Variants in SLC2A1 observed in about 807,000 individuals in gnomAD.
The protein encoded by SLC2A1 is solute carrier family 2, facilitated glucose transporter member 1.
Under a neutral mutation model 46.6 loss-of-function variants are expected in SLC2A1, and 4 were observed. The ratio of observed to expected loss-of-function variants is 0.09; its 90% CI spans 0.04 to 0.20. The LOEUF is 0.20. Among genes scored for constraint, SLC2A1 ranks in the 10% least tolerant of loss-of-function variants. The pLI is 1.00. For synonymous variants in SLC2A1, 253 were observed against 270.0 expected (o/e 0.94, Z 0.62); for missense variants, 352 against 667.0 (o/e 0.53, Z 5.20).
intron 2 of SLC2A1, among the ~76,000 whole-genome samples, chr1:42,931,732 G>A (rs574159761): frequency 6.6e-6 from 1 of 151,354 alleles, no homozygotes; most frequent in East Asian, 2.0e-4. Flanking sequence ...GGGAGGCTAA[G>A]GCAGAATTGC....
rs1643632538 is a variant in SLC2A1 at position 42,944,679 on chromosome 1, C to T, written c.19-1358G>A. Among the ~76,000 whole-genome samples, 4 of 152,182 alleles carry T rather than the reference C, an allele frequency of 2.6e-5. No individual in the cohort carries two copies. In the South Asian group the frequency reaches 6.2e-4, roughly 24 times the overall value. ...GCCAAGGCTCTCACATCAGAGGCTG[C>T]GAAAGAGGAAGAAGGCTTCGGCCCA... On this transcript the variant is annotated intron_variant, in intron 1 of 9. Coordinates refer to ENST00000426263, the MANE Select transcript of SLC2A1 (RefSeq NM_006516.4).
chr1:42,948,219 C>T (rs1051942036), intron 1 of SLC2A1, among the ~76,000 whole-genome samples: 3 of 152,230 alleles, frequency 2.0e-5, no homozygotes, highest in Admixed American at 6.5e-5. Flanking sequence ...TCCCCCAACG[C>T]TCGGATGCCA....
Position 42,929,979 on chromosome 1 carries a change from G to A in SLC2A1, c.573C>T (p.Ser191=). The change falls in exon 5 of 10, where the codon AGC becomes AGT. Residue 191 remains serine, a synonymous_variant. Transcript: ENST00000426263. The surrounding 1 kb of genome is among the most constrained non-coding windows in gnomAD (Gnocchi z 6.0). ...GCAGCAGGGCCGGGATGAAGATGAT[G>A]CTCAGCAGCAGGGGCCACAGGTCCT... The part of the protein sequence containing the change: ...GNKDLWPLLL[S]IIFIPALLQC... 2 of 1,614,200 alleles carry A rather than the reference G, an allele frequency of 1.2e-6. No individual in the cohort carries two copies. Among genetic ancestry groups the A allele is most frequent in the Non-Finnish European group, 1.7e-6 (2 of 1,180,028 alleles).
chr1:42,958,610 A>G, intron 1 of SLC2A1, 24 bp downstream of exon 1: 1 of 1,517,952 alleles, frequency 6.6e-7, no homozygotes, highest in African/African-American at 1.4e-5. Context: ...TCCTGGCGGG[A>G]GGGCCCGCGG....
intron 1 of SLC2A1, 142 bp from the exon 2 acceptor site, chr1:42,943,463 C>T: frequency 2.7e-6 from 2 of 739,694 alleles, no homozygotes; most frequent in South Asian, 1.5e-5. Flanking sequence ...GGAAACTTGG[C>T]CAATTCCTGA....
chr1:42,957,222 C>T (rs1252222946), intron 1 of SLC2A1, among the ~76,000 whole-genome samples: 3 of 152,244 alleles, frequency 2.0e-5, no homozygotes, highest in African/African-American at 7.2e-5. Context: ...TCTCACTGAA[C>T]TTTTGTTTAG....
At chr1:42,948,101 A>G (rs933301451) in intron 1 of SLC2A1, among the ~76,000 whole-genome samples, 3 of 152,066 alleles carry the variant, frequency 2.0e-5, no homozygotes, top group Non-Finnish European at 4.4e-5. Context: ...AGCATTTCTC[A>G]TGTCCCCACC....
chr1:42,936,194 G>A (rs531460140), intron 2 of SLC2A1, among the ~76,000 whole-genome samples: 45 of 152,236 alleles, frequency 3.0e-4, no homozygotes, highest in African/African-American at 8.7e-4. Flanking sequence ...GTTTAGGCTC[G>A]GTCTCAACTC....
Position 42,927,009 on chromosome 1 carries a change from G to A in SLC2A1, c.*32C>T. ...CTCCTGAGAGATCCTTAGGGCTGCTGGGAGCAGGCCGGGCTGGTGATCTGG... is the reference window on the plus strand; with the variant it reads ...CTCCTGAGAGATCCTTAGGGCTGCTAGGAGCAGGCCGGGCTGGTGATCTGG... On this transcript the variant is annotated 3_prime_UTR_variant, in exon 10 of 10. Coordinates refer to ENST00000426263, the MANE Select transcript of SLC2A1 (RefSeq NM_006516.4). This position sits in a 1 kb window ranked among gnomAD's most constrained non-coding sequence, Gnocchi z 5.3. 1 of 1,609,164 alleles carries A rather than the reference G, an allele frequency of 6.2e-7. No homozygotes were observed. Among genetic ancestry groups the A allele is most frequent in the African/African-American group, 1.3e-5 (1 of 74,906 alleles).
At chr1:42,957,192 T>C (rs974179133) in intron 1 of SLC2A1, among the ~76,000 whole-genome samples, 1 of 152,256 alleles carries the variant, frequency 6.6e-6, no homozygotes, top group Non-Finnish European at 1.5e-5. Flanking sequence ...TGGACTTCCT[T>C]GCCACTAGCT....
intron 1 of SLC2A1, among the ~76,000 whole-genome samples, chr1:42,950,276 G>A (rs1169872485): frequency 1.3e-5 from 2 of 152,210 alleles, no homozygotes; most frequent in Non-Finnish European, 2.9e-5. Context: ...GTGGCAGGCC[G>A]AGAACTACAT....
In SLC2A1 at chr1:42,929,396, G is replaced by A. The variant is rs559722814; in HGVS notation, c.868-82C>T. 1 of 1,227,584 alleles carries A rather than the reference G, an allele frequency of 8.1e-7. No individual in the cohort carries two copies. Among genetic ancestry groups the A allele is most frequent in the African/African-American group, 1.5e-5 (1 of 66,816 alleles). The allele number at this position is 1,227,584 out of a possible 1,614,324, so 76.0% of individuals were successfully genotyped here. On this transcript the variant is annotated intron_variant, in intron 6 of 9. Coordinates refer to ENST00000426263, the MANE Select transcript of SLC2A1 (RefSeq NM_006516.4). This position sits in a 1 kb window ranked among gnomAD's most constrained non-coding sequence, Gnocchi z 6.0. The stretch of plus-strand genomic sequence containing the variant: ...TCTGTAGCAGTGGATGTGGGACCCA[G>A]GATGAGTAAAGAATGAAGGGGACAA...
At chr1:42,957,018 C>T (rs1643783552) in intron 1 of SLC2A1, among the ~76,000 whole-genome samples, 2 of 152,206 alleles carry the variant, frequency 1.3e-5, no homozygotes, top group South Asian at 4.1e-4. Flanking sequence ...ACTTTTCTGT[C>T]TCCACGTAGT....
chr1:42,951,497 T>C (rs1417404797), intron 1 of SLC2A1: 1 of 200,710 alleles, frequency 5.0e-6, no homozygotes. Context: ...ACAGAATGGG[T>C]TGCAAAGAAC....
At position 42,927,843 on chromosome 1, in the gene SLC2A1, C is replaced by G. The variant is rs1411878574; in HGVS notation, c.1075-35G>C. The stretch of plus-strand genomic sequence containing the variant: ...ATGACGGAGAGGGGGAAAAGTTAGA[C>G]TGGGTTGTGATGGATCCTCAGGGGA... On this transcript the variant is annotated intron_variant, in intron 8 of 9. Transcript: ENST00000426263. This position sits in a 1 kb window ranked among gnomAD's most constrained non-coding sequence, Gnocchi z 5.3. The G allele has an allele frequency of 6.5e-7, 1 of 1,532,424 alleles. No individual in the cohort carries two copies. Among genetic ancestry groups the G allele is most frequent in the African/African-American group, 1.4e-5 (1 of 73,168 alleles). The allele number at this position is 1,532,424 out of a possible 1,614,324, so 94.9% of individuals were successfully genotyped here. A position where few individuals can be genotyped will look rare whatever the true frequency, so the allele number is the denominator to read the frequency against.
intron 2 of SLC2A1, among the ~76,000 whole-genome samples, chr1:42,931,973 C>T (rs1243042222): frequency 1.3e-5 from 2 of 152,188 alleles, no homozygotes; most frequent in Non-Finnish European, 2.9e-5. Flanking sequence ...GGAAGCAGGG[C>T]TTGACAGACA....
chr1:42,931,946 C>T (rs913584166), intron 2 of SLC2A1, among the ~76,000 whole-genome samples: 3 of 152,198 alleles, frequency 2.0e-5, no homozygotes, highest in Non-Finnish European at 4.4e-5. Flanking sequence ...GCCCTCCCCC[C>T]AACCCCTTGC....
chr1:42,929,601 T>C lies in SLC2A1; in HGVS notation c.859A>G (p.Ile287Val), dbSNP rs1431778557. The C allele has an allele frequency of 1.9e-6, 3 of 1,613,334 alleles. No homozygotes were observed. The highest frequency in any genetic ancestry group is 2.2e-5 in the South Asian group (2 of 91,060). Reference protein sequence around the residue: ...VLQLSQQLSGINAVFYYSTSI... With the variant: ...VLQLSQQLSGVNAVFYYSTSI... ...TGGGTGGGGGCACTCACAGCGTTGA[T>C]GCCAGACAGCTGCTGGGACAGCTGC... Residue 287 changes from isoleucine (I) to valine (V), a missense_variant, in exon 6 of 10, where the codon ATC becomes GTC. Ile to Val is a conservative substitution (Grantham distance 29). Coordinates refer to ENST00000426263, the MANE Select transcript of SLC2A1 (RefSeq NM_006516.4). This position sits in a 1 kb window ranked among gnomAD's most constrained non-coding sequence, Gnocchi z 6.0.
chr1:42,934,507 A>G (rs1357303655), intron 2 of SLC2A1, among the ~76,000 whole-genome samples: 1 of 151,978 alleles, frequency 6.6e-6, no homozygotes, highest in South Asian at 2.1e-4. Flanking sequence ...GGGGATTCGT[A>G]TGGGGTTCCA....
Sources: gnomAD v4.1 joint callset for allele counts (sites outside exome capture counted in the v4.1 genomes callset) on GRCh38, gnomAD v4.1.1 for gene constraint, Gnocchi (gnomAD v3.1) non-coding constraint, MANE v1.5 for transcripts, NCBI Gene and HGNC (gene_info 2026-07-23, HGNC 2026-07-21) for gene names.